The following UNKL variants were observed in gnomAD, a reference collection of about 807,000 sequenced individuals.
The protein encoded by UNKL is putative E3 ubiquitin-protein ligase UNKL.
UNKL carries 60 observed loss-of-function variants against 78.0 expected under a neutral mutation model. The ratio of observed to expected loss-of-function variants is 0.77; its 90% CI spans 0.63 to 0.95. UNKL has a LOEUF of 0.95. Ranked by LOEUF, UNKL falls within the 40% of genes least tolerant of loss-of-function variation. The pLI, the probability that UNKL is intolerant of heterozygous loss-of-function variation, is 0.00. For synonymous variants in UNKL, 608 were observed against 474.8 expected (o/e 1.28, Z -3.65); for missense variants, 1,159 against 1,045.7 (o/e 1.11, Z -1.49).
At position 1,401,640 on chromosome 16, in the gene UNKL, C is replaced by A; in HGVS notation, c.526G>T (p.Asp176Tyr). The A allele has an allele frequency of 6.2e-7, 1 of 1,612,080 alleles. No homozygotes were observed. Among genetic ancestry groups the A allele is most frequent in the Non-Finnish European group, 8.5e-7 (1 of 1,179,320 alleles). Residue 176 changes from aspartate to tyrosine, a missense_variant, in exon 4 of 15, where the codon GAT (aspartate) becomes TAT (tyrosine). By Grantham distance (160) the Asp-to-Tyr change is radical (BLOSUM62 -3). Transcript: ENST00000389221. ...CTGGCCAAGACCCCAGGCTGCAGAT[C>A]CGGGACCCCTTCCCCGCCGCCCAGC... The part of the protein sequence containing the change: ...GQLGGGEGVP[D>Y]LQPGVLASQA...
In UNKL at chr16:1,394,188, T is replaced by A; in HGVS notation, c.880A>T (p.Met294Leu). 1 of 1,550,726 alleles carries A rather than the reference T, an allele frequency of 6.4e-7. No homozygotes were observed. The highest frequency in any genetic ancestry group is 1.2e-5 in the South Asian group (1 of 84,068). Residue 294 changes from methionine (M) to leucine (L), a missense_variant, in exon 7 of 15, where the codon ATG (methionine) becomes TTG (leucine). Transcript: ENST00000389221. ...EIYKSTKCND[M>L]RQTGYCPRGP... ...CGCGGGCAGTACCCGGTTTGGCGCA[T>A]GTCGTTGCATTTTGTAGATTTGTAG...
chr16:1,409,878 C>G lies in UNKL; in HGVS notation c.287+3968G>C, dbSNP rs559084846. The stretch of plus-strand genomic sequence containing the variant: ...AGCGGATCACCTGAGGTCAGGAGTT[C>G]AAGACCAGCCTGGCCAACATGGTGA... On this transcript the variant is annotated intron_variant, in intron 2 of 14. Coordinates refer to ENST00000389221, the MANE Select transcript of UNKL (RefSeq NM_001372107.1). Among the ~76,000 whole-genome samples the G allele has an allele frequency of 5.9e-5, 9 of 152,122 alleles. No individual in the cohort carries two copies. In the South Asian group the frequency reaches 1.9e-3, roughly 32 times the overall value.
At chr16:1,372,266 AAAAAACAAAAAC>A (rs1044112085) in intron 10 of UNKL, among the ~76,000 whole-genome samples, 4 of 152,180 alleles carry the variant, frequency 2.6e-5, no homozygotes, top group African/African-American at 4.8e-5. Context: ...TCCATCTCAA[AAAAAACAAAAAC>A]AAAAACAAAA....
At chr16:1,381,801 G>A (rs1327097848) in intron 10 of UNKL, among the ~76,000 whole-genome samples, 2 of 152,138 alleles carry the variant, frequency 1.3e-5, no homozygotes, top group African/African-American at 4.8e-5. Context: ...GTTCTCACCG[G>A]GCCCGGTGGT....
chr16:1,371,824 G>A (rs779222604), intron 10 of UNKL, among the ~76,000 whole-genome samples: 4 of 152,220 alleles, frequency 2.6e-5, no homozygotes, highest in Admixed American at 2.6e-4. Context: ...CCGGCAAAAC[G>A]AGCGTGCTCA....
At chr16:1,412,985 C>T (rs1363776921) in intron 2 of UNKL, among the ~76,000 whole-genome samples, 5 of 152,102 alleles carry the variant, frequency 3.3e-5, no homozygotes, top group African/African-American at 1.2e-4. Flanking sequence ...CAGTGGCTCA[C>T]ACCTGGAATC....
intron 10 of UNKL, chr16:1,379,603 G>C (rs1331981150): frequency 1.5e-5 from 15 of 985,044 alleles, no homozygotes; most frequent in Non-Finnish European, 1.8e-5. Flanking sequence ...CCTTGGCGGC[G>C]CACGGCTGCC....
intron 10 of UNKL, chr16:1,379,433 G>T: frequency 6.2e-6 from 6 of 970,706 alleles, no homozygotes; most frequent in Non-Finnish European, 7.3e-6. Context: ...GGCAGAGGCA[G>T]GTTCCGAGAA....
chr16:1,385,447 C>T (rs918550292), intron 9 of UNKL, 62 bp from the exon 10 acceptor site: 75 of 1,274,536 alleles, frequency 5.9e-5, no homozygotes, highest in East Asian at 2.9e-4. Flanking sequence ...AGCGCCACGT[C>T]GGCACCCTGC....
At chr16:1,400,099 G>A (rs2037450486) in intron 4 of UNKL, among the ~76,000 whole-genome samples, 1 of 151,982 alleles carries the variant, frequency 6.6e-6, no homozygotes, top group South Asian at 2.1e-4. Flanking sequence ...ACCGGAAACC[G>A]CTCTAAAAAA....
Position 1,385,300 on chromosome 16 carries a change from C to A in UNKL, c.1172G>T (p.Gly391Val). The A allele has an allele frequency of 7.2e-7, 1 of 1,381,602 alleles. No homozygotes were observed. Among genetic ancestry groups the A allele is most frequent in the Non-Finnish European group, 9.3e-7 (1 of 1,073,008 alleles). The allele number at this position is 1,381,602 out of a possible 1,614,324, so 85.6% of individuals were successfully genotyped here. A position where few individuals can be genotyped will look rare whatever the true frequency, so the allele number is the denominator to read the frequency against. ...SVASSLASSA[G>V]SGSSSPTALP... is the part of the protein sequence containing the mutation. ...CGCAGTGGGGGAGGAGCTGCCGGAG[C>A]CGGCGCTGGACGCCAGGCTGGACGC... The change falls in exon 10 of 15, where the codon GGC becomes GTC. Residue 391 changes from glycine to valine, a missense_variant. Coordinates refer to ENST00000389221, the MANE Select transcript of UNKL (RefSeq NM_001372107.1).
intron 12 of UNKL, among the ~76,000 whole-genome samples, chr16:1,368,663 G>A (rs181626899): frequency 3.3e-5 from 5 of 149,486 alleles, no homozygotes; most frequent in Non-Finnish European, 7.4e-5. Context: ...CACTTTGGGA[G>A]GTCGAGGCCA....
intron 10 of UNKL, among the ~76,000 whole-genome samples, chr16:1,375,579 G>C (rs2036156775): frequency 6.6e-6 from 1 of 152,146 alleles, no homozygotes; most frequent in Admixed American, 6.5e-5. Context: ...ATGCGGGAGT[G>C]GCCTCCACTC....
chr16:1,395,765 G>A (rs960737640), intron 6 of UNKL: 5 of 456,550 alleles, frequency 1.1e-5, no homozygotes, highest in African/African-American at 6.0e-5. Flanking sequence ...CCAGGCCTGC[G>A]TGACTGAACA....
chr16:1,371,759 A>G (rs1596659045), intron 10 of UNKL, 148 bp from the exon 11 acceptor site: 1 of 792,638 alleles, frequency 1.3e-6, no homozygotes, highest in Admixed American at 2.9e-5. Flanking sequence ...AGGGAAGGAC[A>G]CCCCCAGCCC....
At position 1,363,452 on chromosome 16, in the gene UNKL, G is replaced by A. The variant is rs977689038; in HGVS notation, c.*2788C>T. ...AAATTAATCCACTTGAGGCGTCCAC[G>A]CGGAACAAGGTCTGCTGACCACAGT... On this transcript the variant is annotated 3_prime_UTR_variant, in exon 15 of 15. Coordinates refer to ENST00000389221, the MANE Select transcript of UNKL (RefSeq NM_001372107.1). 6.7e-5 allele frequency: 23 copies of A among 344,524 alleles called. No individual in the cohort carries two copies. The highest frequency in any genetic ancestry group is 1.5e-4 in the East Asian group (2 of 12,950). The allele number at this position is 344,524 out of a possible 1,614,324, so 21.3% of individuals were successfully genotyped here.
intron 6 of UNKL, among the ~76,000 whole-genome samples, chr16:1,396,794 C>T (rs1384776093): frequency 6.6e-6 from 1 of 151,950 alleles, no homozygotes; most frequent in African/African-American, 2.4e-5. Context: ...GGGGTTTTGC[C>T]AGGATGGTCT....
intron 2 of UNKL, among the ~76,000 whole-genome samples, chr16:1,411,022 G>A (rs558158617): frequency 5.9e-5 from 9 of 152,018 alleles, no homozygotes; most frequent in East Asian, 1.9e-4. Flanking sequence ...GCTTGAGGCC[G>A]GGTAACACAG....
At chr16:1,405,291 G>A (rs1488955745) in intron 2 of UNKL, among the ~76,000 whole-genome samples, 1 of 149,168 alleles carries the variant, frequency 6.7e-6, no homozygotes, top group Non-Finnish European at 1.5e-5. Context: ...GAGAAAGGAA[G>A]GAAGGCAGGC....
Sources: gnomAD v4.1 joint callset for allele counts (sites outside exome capture counted in the v4.1 genomes callset) on GRCh38, gnomAD v4.1.1 for gene constraint, MANE v1.5 for transcripts, NCBI Gene and HGNC (gene_info 2026-07-23, HGNC 2026-07-21) for gene names.